The following AGO2 variants were observed in gnomAD, a reference collection of about 807,000 sequenced individuals.
The protein encoded by AGO2 is protein argonaute-2.
A neutral mutation model predicts 102.3 loss-of-function variants in AGO2; 5 were observed. The ratio of observed to expected loss-of-function variants is 0.05; its 90% confidence interval spans 0.03 to 0.10. The LOEUF is 0.10. Ranked by LOEUF, AGO2 falls within the 10% of genes least tolerant of loss-of-function variation. The pLI, the probability that AGO2 is intolerant of heterozygous loss-of-function variation, is 1.00. For missense variants in AGO2, 541 were observed against 1,183.7 expected, an observed-to-expected ratio of 0.46 and a Z score of 7.97; for synonymous variants, 449 against 473.1, an observed-to-expected ratio of 0.95 and a Z score of 0.66.
At chr8:140,571,671 G>A (rs2073379253) in intron 3 of AGO2, among the ~76,000 whole-genome samples, 1 of 152,182 alleles carries the variant, frequency 6.6e-6, no homozygotes, top group South Asian at 2.1e-4. Flanking sequence ...GTTCCCAGAG[G>A]GAATCAGCCT....
At chr8:140,551,788 T>G (rs1588449178) in intron 10 of AGO2, among the ~76,000 whole-genome samples, 1 of 148,140 alleles carries the variant, frequency 6.8e-6, no homozygotes. Flanking sequence ...GATGGGTGGG[T>G]GGATGGTTGA....
intron 11 of AGO2, among the ~76,000 whole-genome samples, chr8:140,549,907 C>T (rs1268014396): frequency 2.6e-5 from 4 of 152,144 alleles, no homozygotes; most frequent in South Asian, 2.1e-4. Context: ...TATTTTAAGC[C>T]GAAGACTAAG....
chr8:140,584,943 T>A (rs2073628749), intron 2 of AGO2, among the ~76,000 whole-genome samples, 176 bp downstream of exon 2: 2 of 152,250 alleles, frequency 1.3e-5, no homozygotes, highest in South Asian at 4.1e-4. Context: ...TATATATATA[T>A]TTTTTTCAAT....
chr8:140,562,779 T>C (rs4961220), intron 3 of AGO2, 145 bp from the exon 4 acceptor site: 182,411 of 809,578 alleles, frequency 0.23, 22,852 homozygotes, highest in East Asian at 0.33. Flanking sequence ...CATGTGGCTA[T>C]GGAGCACTTG....
chr8:140,593,408 T>A (rs909839747), intron 1 of AGO2, among the ~76,000 whole-genome samples: 6 of 151,774 alleles, frequency 4.0e-5, no homozygotes, highest in African/African-American at 1.5e-4. Context: ...GCCAGGCTGG[T>A]CTCAAACTCC....
upstream of AGO2, chr8:140,637,075 C>T (rs931141154): frequency 1.3e-5 from 2 of 152,274 alleles, no homozygotes; most frequent in African/African-American, 4.8e-5. Flanking sequence ...AGCAGGGCCC[C>T]TGGGGGATTT....
At chr8:140,558,411 T>A in intron 7 of AGO2, 74 bp downstream of exon 7, 1 of 1,477,100 alleles carries the variant, frequency 6.8e-7, no homozygotes, top group African/African-American at 1.4e-5. Flanking sequence ...CACAGAATCA[T>A]GGCTCCAGAG....
chr8:140,549,096 G>C lies in AGO2; in HGVS notation c.1588+18C>G. The C allele has an allele frequency of 6.3e-7, 1 of 1,579,128 alleles. No individual in the cohort carries two copies. Among genetic ancestry groups the C allele is most frequent in the Non-Finnish European group, 8.6e-7 (1 of 1,159,170 alleles). ...ACCACGACGGCTCCCCACAGCCAGC[G>C]GGAGCGCCCACACCTACCGTACACG... On this transcript the variant is annotated intron_variant, in intron 12 of 18. Coordinates refer to ENST00000220592, the MANE Select transcript of AGO2 (RefSeq NM_012154.5).
At chr8:140,537,505 T>C (rs1410538418) in intron 16 of AGO2, among the ~76,000 whole-genome samples, 1 of 152,206 alleles carries the variant, frequency 6.6e-6, no homozygotes, top group African/African-American at 2.4e-5. Context: ...TTTCACTTTG[T>C]TGCTCAGGCT....
chr8:140,556,715 A>T (rs1024512137), intron 8 of AGO2, among the ~76,000 whole-genome samples: 1 of 152,182 alleles, frequency 6.6e-6, no homozygotes. Flanking sequence ...GAGTTACAGC[A>T]CATGGCTCAG....
At chr8:140,604,355 TA>T (rs2073967099) in intron 1 of AGO2, among the ~76,000 whole-genome samples, 1 of 152,230 alleles carries the variant, frequency 6.6e-6, no homozygotes, top group East Asian at 1.9e-4. Flanking sequence ...AATTAACGGC[TA>T]ATTATGTGTA....
At chr8:140,533,043 C>T (rs979274878) in intron 17 of AGO2, among the ~76,000 whole-genome samples, 3 of 150,842 alleles carry the variant, frequency 2.0e-5, no homozygotes, top group African/African-American at 7.3e-5. Flanking sequence ...AGTAAATGGC[C>T]CCATATTTGT....
chr8:140,532,629 G>A lies in AGO2; in HGVS notation c.2272-14C>T, dbSNP rs761960913. On this transcript the variant is annotated splice_polypyrimidine_tract_variant and intron_variant, in intron 17 of 18. Coordinates refer to ENST00000220592, the MANE Select transcript of AGO2 (RefSeq NM_012154.5). Reference sequence around the variant, plus strand: ...CCTGCTTGTCCCCTAAAGCAGATCAGAAGATTAGACAGTTGGACTCGCATA... The same window carrying A: ...CCTGCTTGTCCCCTAAAGCAGATCAAAAGATTAGACAGTTGGACTCGCATA... 5 of 1,613,316 alleles carry A rather than the reference G, an allele frequency of 3.1e-6. No individual in the cohort carries two copies. In the Admixed American group the frequency reaches 8.3e-5, roughly 27 times the overall value.
In AGO2 at chr8:140,539,932, C is replaced by CA. The variant is rs2072764964; in HGVS notation, c.2035-479dup. On this transcript the variant is annotated intron_variant, in intron 15 of 18. Coordinates refer to ENST00000220592, the MANE Select transcript of AGO2 (RefSeq NM_012154.5). This position sits in a 1 kb window ranked among gnomAD's most constrained non-coding sequence, Gnocchi z 4.7. ...TGAAACCCCATTTCTACTAAAAATA[C>CA]AAAAATTAACTGGGCGTGGTGGTGG... 6.6e-6 allele frequency among the ~76,000 whole-genome samples: 1 copy of CA among 152,166 alleles called. No individual in the cohort carries two copies. Among genetic ancestry groups the CA allele is most frequent in the Non-Finnish European group, 1.5e-5 (1 of 67,988 alleles).
chr8:140,537,326 C>T (rs1431695393), intron 16 of AGO2, among the ~76,000 whole-genome samples: 4 of 144,852 alleles, frequency 2.8e-5, no homozygotes, highest in East Asian at 4.0e-4. Context: ...GGTTTCTTTT[C>T]TTTTTTTTTT....
chr8:140,589,352 C>T lies in AGO2; in HGVS notation c.23-4041G>A, dbSNP rs1030757095. Among the ~76,000 whole-genome samples, 5 of 152,264 alleles carry T rather than the reference C, an allele frequency of 3.3e-5. No individual in the cohort carries two copies. Among genetic ancestry groups the T allele is most frequent in the East Asian group, 3.9e-4 (2 of 5,166 alleles). ...TCCGTGAAGCCGCTTTGGCTACCGG[C>T]GGGTGAACCACAGGCCCGGGTCAGC... On this transcript the variant is annotated intron_variant, in intron 1 of 18. Transcript: ENST00000220592. The surrounding 1 kb of genome is among the most constrained non-coding windows in gnomAD (Gnocchi z 4.2).
Position 140,553,909 on chromosome 8 carries a change from G to A in AGO2, c.1269+1987C>T, listed in dbSNP as rs115755663. Among the ~76,000 whole-genome samples, 1,213 of 149,558 alleles carry A rather than the reference G, an allele frequency of 8.1e-3. 24 individuals are homozygous for A. The highest frequency in any genetic ancestry group is 0.028 in the African/African-American group (1,137 of 40,508). ...GAGATAGGGTTTCGCCATGTTGACCGGAGGCTGGTCTCGAACTCCTGACCT... is the reference window on the plus strand; with the variant it reads ...GAGATAGGGTTTCGCCATGTTGACCAGAGGCTGGTCTCGAACTCCTGACCT... On this transcript the variant is annotated intron_variant, in intron 10 of 18. Coordinates refer to ENST00000220592, the MANE Select transcript of AGO2 (RefSeq NM_012154.5).
chr8:140,550,235 C>G (rs577849802), intron 11 of AGO2, among the ~76,000 whole-genome samples: 1 of 152,254 alleles, frequency 6.6e-6, no homozygotes, highest in East Asian at 1.9e-4. Context: ...GAGGGCCATG[C>G]TGGTTCGCAG....
At position 140,531,757 on chromosome 8, in the gene AGO2, G is replaced by A. The variant is rs1487726843; in HGVS notation, c.*287C>T. The A allele has an allele frequency of 3.4e-6, 1 of 293,486 alleles. No homozygotes were observed. The highest frequency in any genetic ancestry group is 6.5e-5 in the East Asian group (1 of 15,396). 18.2% of individuals were successfully genotyped at this position (293,486 alleles called of 1,614,324 possible). Reference sequence around the variant, plus strand: ...TTTTAAAGCCCTGAGTTCATAGACTGGTTTTAGGAGATTTTTAGGACACAC... The same window carrying A: ...TTTTAAAGCCCTGAGTTCATAGACTAGTTTTAGGAGATTTTTAGGACACAC... On this transcript the variant is annotated 3_prime_UTR_variant, in exon 19 of 19. Transcript: ENST00000220592.
Sources: gnomAD v4.1 joint callset for allele counts (sites outside exome capture counted in the v4.1 genomes callset) on GRCh38, gnomAD v4.1.1 for gene constraint, Gnocchi (gnomAD v3.1) non-coding constraint, MANE v1.5 for transcripts, NCBI Gene and HGNC (gene_info 2026-07-23, HGNC 2026-07-21) for gene names.